Variants in PABPC4L observed in about 807,000 individuals in gnomAD.
PABPC4L encodes the protein poly(A) binding protein cytoplasmic 4 like.
For missense variants in PABPC4L, 452 were observed against 451.4 expected, an observed-to-expected ratio of 1.00 and a Z score of -0.01; for synonymous variants, 169 against 164.1, an observed-to-expected ratio of 1.03 and a Z score of -0.23.
At chr4:134,177,181 CTTTTCT>C in the PABPC4L span, among the ~76,000 whole-genome samples, 88 of 103,154 alleles carry the variant, frequency 8.5e-4, no homozygotes, top group African/African-American at 3.5e-3. Context: ...TTTTTCTTTT[CTTTTCT>C]TTTTTTTTTT....
the PABPC4L span, among the ~76,000 whole-genome samples, chr4:134,061,073 G>A: frequency 6.6e-6 from 1 of 152,112 alleles, no homozygotes; most frequent in East Asian, 1.9e-4. Context: ...ATAACTAAAA[G>A]AGTATAATTG....
the PABPC4L span, among the ~76,000 whole-genome samples, chr4:134,047,647 A>G: frequency 5.3e-5 from 8 of 152,106 alleles, no homozygotes; most frequent in Non-Finnish European, 7.4e-5. Flanking sequence ...AATTGAAAAG[A>G]TCTCAAACAT....
the PABPC4L span, among the ~76,000 whole-genome samples, chr4:134,136,681 C>T: frequency 6.6e-6 from 1 of 151,848 alleles, no homozygotes; most frequent in Non-Finnish European, 1.5e-5. Context: ...TACAATATTC[C>T]TTTATTTGTT....
the PABPC4L span, among the ~76,000 whole-genome samples, chr4:134,048,274 T>C: frequency 6.6e-6 from 1 of 152,172 alleles, no homozygotes; most frequent in Non-Finnish European, 1.5e-5. Context: ...GATCAAAGTT[T>C]AAGAATAGCC....
chr4:134,150,339 C>A, the PABPC4L span, among the ~76,000 whole-genome samples: 2,073 of 152,180 alleles, frequency 0.014, 46 homozygotes, highest in African/African-American at 0.047. Flanking sequence ...CTGCCTTGGC[C>A]TCCCAAAGTG....
At chr4:134,126,483 G>A in the PABPC4L span, among the ~76,000 whole-genome samples, 1 of 152,050 alleles carries the variant, frequency 6.6e-6, no homozygotes, top group Admixed American at 6.6e-5. Context: ...TCAAAGGTTG[G>A]TGTTACTTCC....
At chr4:134,095,192 T>C in the PABPC4L span, among the ~76,000 whole-genome samples, 2 of 151,892 alleles carry the variant, frequency 1.3e-5, no homozygotes, top group African/African-American at 4.8e-5. Flanking sequence ...AGATCTGTAA[T>C]ATAGAGCTTG....
the PABPC4L span, among the ~76,000 whole-genome samples, chr4:134,133,605 T>A: frequency 6.6e-6 from 1 of 151,476 alleles, no homozygotes; most frequent in Non-Finnish European, 1.5e-5. Context: ...ATCAACGTCG[T>A]ATGTTCTCAC....
chr4:134,162,843 C>T, the PABPC4L span, among the ~76,000 whole-genome samples: 1 of 151,902 alleles, frequency 6.6e-6, no homozygotes, highest in African/African-American at 2.4e-5. Context: ...GGTATAAAGA[C>T]CTCTGGGATA....
chr4:133,986,802 C>T, the PABPC4L span, among the ~76,000 whole-genome samples: 1 of 151,262 alleles, frequency 6.6e-6, no homozygotes, highest in Non-Finnish European at 1.5e-5. Context: ...GTGGCACGAT[C>T]TCAGCTCACT....
At chr4:133,974,684 C>G in the PABPC4L span, among the ~76,000 whole-genome samples, 1 of 152,008 alleles carries the variant, frequency 6.6e-6, no homozygotes, top group African/African-American at 2.4e-5. Flanking sequence ...CAAAAAGTCA[C>G]ATAAGCCAAT....
the PABPC4L span, among the ~76,000 whole-genome samples, chr4:134,113,659 T>C: frequency 1.3e-5 from 2 of 151,810 alleles, no homozygotes; most frequent in Non-Finnish European, 2.9e-5. Context: ...CCAGATATAG[T>C]AAACATTTTT....
the PABPC4L span, among the ~76,000 whole-genome samples, chr4:134,000,868 C>T: frequency 6.6e-6 from 1 of 152,088 alleles, no homozygotes; most frequent in African/African-American, 2.4e-5. Context: ...ATCTGGCTTC[C>T]AGGCCTTCAC....
chr4:134,040,177 A>T, the PABPC4L span, among the ~76,000 whole-genome samples: 1 of 151,274 alleles, frequency 6.6e-6, no homozygotes, highest in Non-Finnish European at 1.5e-5. Context: ...ATCCCCTCAA[A>T]CTACTATTGA....
the PABPC4L span, among the ~76,000 whole-genome samples, chr4:134,038,118 T>C: frequency 6.6e-6 from 1 of 152,154 alleles, no homozygotes; most frequent in African/African-American, 2.4e-5. Context: ...ATGTGATGAA[T>C]TATGTTTATT....
At chr4:134,019,441 A>G in the PABPC4L span, among the ~76,000 whole-genome samples, 2 of 152,186 alleles carry the variant, frequency 1.3e-5, no homozygotes, top group East Asian at 3.9e-4. Flanking sequence ...AAAGCAGGAA[A>G]CTGATTTCCA....
the PABPC4L span, among the ~76,000 whole-genome samples, chr4:134,079,605 A>AC: frequency 1.7e-5 from 2 of 116,928 alleles, no homozygotes; most frequent in South Asian, 5.2e-4. Context: ...AAAAAAAAAA[A>AC]AAAAAACTGT....
chr4:134,032,601 G>T, the PABPC4L span, among the ~76,000 whole-genome samples: 1 of 151,878 alleles, frequency 6.6e-6, no homozygotes, highest in African/African-American at 2.4e-5. Flanking sequence ...ACAGTAAAAT[G>T]AAATTAAAAG....
the PABPC4L span, among the ~76,000 whole-genome samples, chr4:134,095,808 G>A: frequency 1.3e-5 from 2 of 151,768 alleles, no homozygotes; most frequent in African/African-American, 2.4e-5. Flanking sequence ...GCTCTTTAGG[G>A]GAACATTTTC....
Sources: allele counts gnomAD v4.1 joint callset (sites outside exome capture counted in the v4.1 genomes callset), GRCh38; gene constraint gnomAD v4.1.1; transcripts MANE v1.5; gene names NCBI Gene and HGNC (gene_info 2026-07-23, HGNC 2026-07-21).